The following MTMR14 variants were observed in gnomAD, a reference collection of about 807,000 sequenced individuals.
MTMR14 encodes the protein phosphatidylinositol-3,5-bisphosphate 3-phosphatase MTMR14.
Under a neutral mutation model 86.3 loss-of-function variants are expected in MTMR14, and 48 were observed. The ratio of observed to expected loss-of-function variants is 0.56; its 90% CI spans 0.44 to 0.71. The LOEUF (loss-of-function observed/expected upper bound fraction) is 0.71, where lower values mean the gene tolerates loss of function less well. MTMR14 is among the 30% of genes least tolerant of loss of function. MTMR14 has a pLI of 0.00. For missense variants in MTMR14, 780 were observed against 834.6 expected, an observed-to-expected ratio of 0.93 and a Z score of 0.81; for synonymous variants, 366 against 326.1, an observed-to-expected ratio of 1.12 and a Z score of -1.32.
chr3:9,685,773 A>G (rs184473743), intron 13 of MTMR14, among the ~76,000 whole-genome samples: 95 of 151,656 alleles, frequency 6.3e-4, no homozygotes, highest in African/African-American at 2.2e-3. Context: ...TCTCTCCCCC[A>G]TGCCTGTCGC....
At chr3:9,668,418 A>T (rs1341143867) in intron 3 of MTMR14, among the ~76,000 whole-genome samples, 1 of 152,198 alleles carries the variant, frequency 6.6e-6, no homozygotes, top group Non-Finnish European at 1.5e-5. Flanking sequence ...TGAGAAGATG[A>T]TGGGTTTTTC....
chr3:9,651,311 C>G (rs1036703466), intron 1 of MTMR14, among the ~76,000 whole-genome samples: 2 of 151,932 alleles, frequency 1.3e-5, no homozygotes, highest in African/African-American at 2.4e-5. Flanking sequence ...CTATATTGCC[C>G]TGGCTGGTCT....
chr3:9,665,730 A>ATTT (rs759820447), intron 3 of MTMR14, among the ~76,000 whole-genome samples: 3 of 139,522 alleles, frequency 2.2e-5, no homozygotes, highest in Admixed American at 7.2e-5. Context: ...TTTCATTTTA[A>ATTT]TTTTTTTTTT....
intron 18 of MTMR14, among the ~76,000 whole-genome samples, chr3:9,699,075 G>A (rs1391303146): frequency 6.6e-6 from 1 of 151,930 alleles, no homozygotes; most frequent in Non-Finnish European, 1.5e-5. Flanking sequence ...GGGAGGCTGA[G>A]GCAGGAGAAT....
chr3:9,668,904 C>G, intron 4 of MTMR14, 110 bp downstream of exon 4: 1 of 1,109,946 alleles, frequency 9.0e-7, no homozygotes, highest in South Asian at 1.2e-5. Flanking sequence ...CTTTGGGAGG[C>G]CAAGGCGAGC....
intron 18 of MTMR14, among the ~76,000 whole-genome samples, chr3:9,698,155 A>G (rs1027082284): frequency 2.6e-5 from 4 of 152,274 alleles, no homozygotes; most frequent in African/African-American, 4.8e-5. Context: ...CTATTTCTGT[A>G]TAAGCCTTTG....
chr3:9,694,490 T>C (rs1013001293), intron 17 of MTMR14, among the ~76,000 whole-genome samples: 2 of 151,528 alleles, frequency 1.3e-5, no homozygotes, highest in Non-Finnish European at 2.9e-5. Context: ...AAAGATAGAT[T>C]AGATAGATAG....
intron 9 of MTMR14, among the ~76,000 whole-genome samples, chr3:9,679,264 T>C (rs2075681668): frequency 6.6e-6 from 1 of 152,148 alleles, no homozygotes; most frequent in Non-Finnish European, 1.5e-5. Flanking sequence ...ACCAGTTGTT[T>C]GTTATGGTCT....
chr3:9,653,572 C>G, intron 1 of MTMR14, 49 bp from the exon 2 acceptor site: 1 of 1,613,074 alleles, frequency 6.2e-7, no homozygotes, highest in Non-Finnish European at 8.5e-7. Flanking sequence ...AATTCTCACC[C>G]TCAGAACCCC....
intron 4 of MTMR14, among the ~76,000 whole-genome samples, chr3:9,669,065 G>T (rs938431941): frequency 6.6e-6 from 1 of 151,732 alleles, no homozygotes; most frequent in East Asian, 1.9e-4. Context: ...GCTTGAACCC[G>T]GGAGATGGAG....
chr3:9,657,246 A>G (rs2047660380), intron 2 of MTMR14, among the ~76,000 whole-genome samples: 1 of 152,160 alleles, frequency 6.6e-6, no homozygotes, highest in Non-Finnish European at 1.5e-5. Flanking sequence ...TGAGTGAATC[A>G]ACTGGGGATC....
At chr3:9,686,599 T>C (rs1175899667) in intron 13 of MTMR14, among the ~76,000 whole-genome samples, 1 of 152,176 alleles carries the variant, frequency 6.6e-6, no homozygotes, top group African/African-American at 2.4e-5. Context: ...GGGGAACATA[T>C]TAGCATATTA....
At chr3:9,691,800 C>T (rs2076147347) in intron 17 of MTMR14, among the ~76,000 whole-genome samples, 1 of 152,168 alleles carries the variant, frequency 6.6e-6, no homozygotes, top group Admixed American at 6.5e-5. Context: ...GGGTTGTCCT[C>T]CTGACCTCAG....
chr3:9,653,930 A>G, intron 2 of MTMR14, 161 bp downstream of exon 2: 2 of 944,254 alleles, frequency 2.1e-6, no homozygotes, highest in Non-Finnish European at 3.3e-6. Flanking sequence ...TCAGACTGGC[A>G]AGGTGGCATG....
At chr3:9,687,028 A>G (rs2075982183) in intron 13 of MTMR14, among the ~76,000 whole-genome samples, 3 of 152,340 alleles carry the variant, frequency 2.0e-5, no homozygotes, top group Admixed American at 2.0e-4. Flanking sequence ...CCACACCCGC[A>G]GTTCTGAACC....
At position 9,684,685 on chromosome 3, in the gene MTMR14, GC is replaced by G; in HGVS notation, c.1050+19del. 1.2e-6 allele frequency: 2 copies of G among 1,613,896 alleles called. No homozygotes were observed. The highest frequency in any genetic ancestry group is 8.5e-7 in the Non-Finnish European group (1 of 1,179,792). On this transcript the variant is annotated intron_variant, in intron 11 of 18. Transcript: ENST00000296003. ...CCTTGTGGGCTGTGAGTATGAATCG[GC>G]CCCTACCAAGCTCTGCTCTTTGGGT...
chr3:9,692,196 A>C (rs1158126291), intron 17 of MTMR14, among the ~76,000 whole-genome samples: 1 of 152,216 alleles, frequency 6.6e-6, no homozygotes, highest in Non-Finnish European at 1.5e-5. Context: ...GTGACAGCCA[A>C]AATTCTCCTA....
chr3:9,651,993 A>G (rs2047326940), intron 1 of MTMR14, among the ~76,000 whole-genome samples: 1 of 151,922 alleles, frequency 6.6e-6, no homozygotes. Flanking sequence ...CACCATGCCC[A>G]GCTAATTTTT....
intron 1 of MTMR14, among the ~76,000 whole-genome samples, chr3:9,652,746 C>T (rs947644043): frequency 4.6e-5 from 7 of 151,556 alleles, no homozygotes; most frequent in African/African-American, 1.5e-4. Context: ...TGGCTCACAC[C>T]TGGGAGGCTG....
Sources: allele counts gnomAD v4.1 joint callset (sites outside exome capture counted in the v4.1 genomes callset), GRCh38; gene constraint gnomAD v4.1.1; transcripts MANE v1.5; gene names NCBI Gene and HGNC (gene_info 2026-07-23, HGNC 2026-07-21).